The following TTC27 variants were observed in gnomAD, a reference collection of about 807,000 sequenced individuals.
TTC27 encodes tetratricopeptide repeat protein 27.
Under a neutral mutation model 115.9 loss-of-function variants are expected in TTC27, and 79 were observed. That is an observed-to-expected ratio of 0.68 (90% CI 0.57 to 0.82). The LOEUF is 0.82. Ranked by LOEUF, TTC27 falls within the 40% of genes least tolerant of loss-of-function variation. The pLI is 0.00. For missense variants in TTC27, 1,054 were observed against 993.1 expected (o/e 1.06, Z -0.82); for synonymous variants, 401 against 356.0 (o/e 1.13, Z -1.42).
At chr2:32,760,069 T>C (rs541401635) in intron 13 of TTC27, among the ~76,000 whole-genome samples, 3 of 152,182 alleles carry the variant, frequency 2.0e-5, no homozygotes, top group Non-Finnish European at 4.4e-5. Context: ...GTGCAGAAAT[T>C]GTCATTTTTG....
At chr2:32,688,791 A>G (rs1246550377) in intron 9 of TTC27, among the ~76,000 whole-genome samples, 2 of 152,138 alleles carry the variant, frequency 1.3e-5, no homozygotes, top group African/African-American at 4.8e-5. Context: ...TGGTAATGCA[A>G]AATGTCACAA....
At chr2:32,730,200 A>C (rs1016835019) in intron 10 of TTC27, among the ~76,000 whole-genome samples, 1 of 152,210 alleles carries the variant, frequency 6.6e-6, no homozygotes, top group Non-Finnish European at 1.5e-5. Context: ...GTTCGGCTTA[A>C]AATTAATCAA....
intron 16 of TTC27, among the ~76,000 whole-genome samples, chr2:32,798,692 G>A (rs1162172763): frequency 2.3e-5 from 3 of 130,352 alleles, no homozygotes; most frequent in African/African-American, 6.6e-5. Flanking sequence ...GCAACAGAGC[G>A]AGACTCCAGC....
At chr2:32,816,342 A>G (rs1213105330) in intron 18 of TTC27, among the ~76,000 whole-genome samples, 1 of 151,944 alleles carries the variant, frequency 6.6e-6, no homozygotes, top group Non-Finnish European at 1.5e-5. Flanking sequence ...TTGATTTTCT[A>G]TCCTTGGTCT....
intron 14 of TTC27, among the ~76,000 whole-genome samples, chr2:32,780,369 C>T (rs549848893): frequency 6.6e-6 from 1 of 152,022 alleles, no homozygotes; most frequent in African/African-American, 2.4e-5. Flanking sequence ...AGTTTTACAC[C>T]TCTTTTGTTA....
At chr2:32,688,001 C>T (rs999588120) in intron 9 of TTC27, among the ~76,000 whole-genome samples, 3 of 152,112 alleles carry the variant, frequency 2.0e-5, no homozygotes, top group African/African-American at 7.2e-5. Flanking sequence ...TTTTCAAATG[C>T]TTATGGTAAG....
At chr2:32,646,466 G>T (rs1323694761) in intron 4 of TTC27, among the ~76,000 whole-genome samples, 2 of 151,942 alleles carry the variant, frequency 1.3e-5, no homozygotes, top group African/African-American at 4.8e-5. Context: ...TACTGTGCCA[G>T]CCCTCTATTT....
At chr2:32,764,662 T>G (rs1356817333) in intron 13 of TTC27, among the ~76,000 whole-genome samples, 1 of 152,200 alleles carries the variant, frequency 6.6e-6, no homozygotes, top group African/African-American at 2.4e-5. Flanking sequence ...TAGCATACAA[T>G]GGTGTTTGAT....
chr2:32,628,674 A>C (rs2063531649), intron 1 of TTC27, among the ~76,000 whole-genome samples: 3 of 152,192 alleles, frequency 2.0e-5, no homozygotes, highest in African/African-American at 7.2e-5. Flanking sequence ...AGGTAGATTC[A>C]ATTTTTAATC....
At chr2:32,708,493 G>A (rs1170989334) in intron 10 of TTC27, among the ~76,000 whole-genome samples, 5 of 151,166 alleles carry the variant, frequency 3.3e-5, no homozygotes, top group Admixed American at 6.6e-5. Context: ...TGTATTTTTA[G>A]TAGAGACACA....
At chr2:32,704,530 A>C (rs1012068678) in intron 10 of TTC27, among the ~76,000 whole-genome samples, 1 of 152,126 alleles carries the variant, frequency 6.6e-6, no homozygotes, top group African/African-American at 2.4e-5. Context: ...ACCTATGTAA[A>C]AGTCATAAGA....
chr2:32,770,841 A>G (rs886793351), intron 13 of TTC27, among the ~76,000 whole-genome samples: 1 of 152,146 alleles, frequency 6.6e-6, no homozygotes, highest in Non-Finnish European at 1.5e-5. Flanking sequence ...TTTTGAACTT[A>G]TGTTATTTGT....
intron 13 of TTC27, among the ~76,000 whole-genome samples, chr2:32,772,582 C>G (rs1042182485): frequency 1.3e-5 from 2 of 152,088 alleles, no homozygotes; most frequent in African/African-American, 4.8e-5. Context: ...ATAAAATCGG[C>G]TTTGTGCTAC....
At chr2:32,654,000 C>T (rs1032862015) in intron 5 of TTC27, among the ~76,000 whole-genome samples, 2 of 152,162 alleles carry the variant, frequency 1.3e-5, no homozygotes, top group Non-Finnish European at 2.9e-5. Flanking sequence ...TAAATCTTAC[C>T]AGTTCTTCCC....
intron 13 of TTC27, among the ~76,000 whole-genome samples, chr2:32,760,182 T>C (rs1669387366): frequency 6.6e-6 from 1 of 152,180 alleles, no homozygotes; most frequent in South Asian, 2.1e-4. Flanking sequence ...CTCTGAATGG[T>C]GAATATAATT....
intron 10 of TTC27, among the ~76,000 whole-genome samples, chr2:32,704,038 G>T (rs887033743): frequency 1.3e-5 from 2 of 152,168 alleles, no homozygotes; most frequent in African/African-American, 4.8e-5. Context: ...TTTTATAAGG[G>T]CCAAAGTCCT....
intron 16 of TTC27, among the ~76,000 whole-genome samples, chr2:32,790,277 T>G (rs115123355): frequency 0.065 from 9,849 of 151,704 alleles, 556 homozygotes; most frequent in African/African-American, 0.16. Flanking sequence ...TAAATTTTTT[T>G]TTTGTGTGTG....
intron 16 of TTC27, among the ~76,000 whole-genome samples, chr2:32,803,167 C>T (rs1408107713): frequency 6.6e-6 from 1 of 152,228 alleles, no homozygotes; most frequent in Non-Finnish European, 1.5e-5. Context: ...AGGAAACCTC[C>T]CTTACCTTCA....
At chr2:32,665,062 GT>G (rs921219100) in intron 6 of TTC27, among the ~76,000 whole-genome samples, 26 of 151,868 alleles carry the variant, frequency 1.7e-4, no homozygotes, top group African/African-American at 6.1e-4. Context: ...GGCCAGGCTG[GT>G]TTTGAATTCC....
Sources: allele counts gnomAD v4.1 joint callset (sites outside exome capture counted in the v4.1 genomes callset), GRCh38; gene constraint gnomAD v4.1.1; transcripts MANE v1.5; gene names NCBI Gene and HGNC (gene_info 2026-07-23, HGNC 2026-07-21).